Variants in HS3ST4 observed in about 807,000 individuals in gnomAD.
HS3ST4 encodes heparan sulfate glucosamine 3-O-sulfotransferase 4.
In HS3ST4, 17 loss-of-function variants were observed where a neutral mutation model predicts 29.2. The ratio of observed to expected loss-of-function variants is 0.58; its 90% CI spans 0.40 to 0.87. HS3ST4 has a LOEUF of 0.87. Among genes scored for constraint, HS3ST4 ranks in the 40% least tolerant of loss-of-function variants. The pLI is 0.00. For synonymous variants in HS3ST4, 314 were observed against 285.7 expected (o/e 1.10, Z -1.00); for missense variants, 627 against 634.5 (o/e 0.99, Z 0.13).
chr16:25,704,839 A>AT (rs1198147202), intron 1 of HS3ST4, among the ~76,000 whole-genome samples: 1 of 151,174 alleles, frequency 6.6e-6, no homozygotes, highest in East Asian at 2.0e-4. Context: ...AGATCATGCC[A>AT]TCACACTCCA....
intron 1 of HS3ST4, among the ~76,000 whole-genome samples, chr16:25,907,747 C>T (rs950891586): frequency 5.9e-5 from 9 of 152,254 alleles, no homozygotes; most frequent in African/African-American, 7.2e-5. Context: ...TTGCAAAGTG[C>T]GTATTTTTAA....
At chr16:25,815,502 T>G (rs1310660420) in intron 1 of HS3ST4, among the ~76,000 whole-genome samples, 1 of 152,128 alleles carries the variant, frequency 6.6e-6, no homozygotes, top group African/African-American at 2.4e-5. Flanking sequence ...TTTTGTACTT[T>G]TAGTAGAGAC....
chr16:25,757,637 C>T (rs1966765656), intron 1 of HS3ST4, among the ~76,000 whole-genome samples: 1 of 151,022 alleles, frequency 6.6e-6, no homozygotes, highest in African/African-American at 2.4e-5. Flanking sequence ...TGTGTCCTCC[C>T]GTCATGCCCT....
chr16:26,119,859 A>G (rs1332322256), intron 1 of HS3ST4, among the ~76,000 whole-genome samples: 2 of 152,196 alleles, frequency 1.3e-5, no homozygotes, highest in Non-Finnish European at 2.9e-5. Flanking sequence ...GGTGGACTCT[A>G]CGCAAGGCAA....
intron 1 of HS3ST4, among the ~76,000 whole-genome samples, chr16:25,999,897 T>TTATATATATTATATATATATTTTTA (rs1555477425): frequency 0.1 from 13,341 of 131,682 alleles, 962 homozygotes; most frequent in South Asian, 0.16. Flanking sequence ...TATATATATT[T>TTATATATATTATATATATATTTTTA]TATATATATA....
chr16:26,094,311 G>C (rs1223966732), intron 1 of HS3ST4, among the ~76,000 whole-genome samples: 4 of 152,254 alleles, frequency 2.6e-5, no homozygotes, highest in African/African-American at 9.6e-5. Context: ...ACACATAATT[G>C]TCAGATTCAC....
intron 1 of HS3ST4, among the ~76,000 whole-genome samples, chr16:25,779,484 A>C (rs144806091): frequency 6.6e-6 from 1 of 152,290 alleles, no homozygotes; most frequent in East Asian, 1.9e-4. Context: ...TCATTTATTC[A>C]TTTAATCAAC....
chr16:25,902,025 G>A (rs954892034), intron 1 of HS3ST4, among the ~76,000 whole-genome samples: 3 of 152,198 alleles, frequency 2.0e-5, no homozygotes, highest in African/African-American at 7.2e-5. Flanking sequence ...GTCTACCTCT[G>A]CATCACATCT....
rs916173971 is a variant in HS3ST4 at position 25,721,386 on chromosome 16, C to CT, written c.734+28243dup. Among the ~76,000 whole-genome samples, 7 of 152,116 alleles carry CT rather than the reference C, an allele frequency of 4.6e-5. No individual in the cohort carries two copies. In the East Asian group the frequency reaches 5.8e-4, roughly 13 times the overall value. ...CTACCTTTTATGGGCTTGCCTTAGT[C>CT]TTTTTTTTACATTTTTTTCCTTTTC... On this transcript the variant is annotated intron_variant, in intron 1 of 1. Coordinates refer to ENST00000331351, the MANE Select transcript of HS3ST4 (RefSeq NM_006040.3).
At chr16:25,848,618 A>G (rs1281933810) in intron 1 of HS3ST4, among the ~76,000 whole-genome samples, 1 of 152,036 alleles carries the variant, frequency 6.6e-6, no homozygotes, top group East Asian at 1.9e-4. Context: ...CCTCTTCATC[A>G]TTCTGAAGAT....
chr16:25,857,922 T>TCC (rs1567257093), intron 1 of HS3ST4, among the ~76,000 whole-genome samples: 56 of 41,592 alleles, frequency 1.3e-3, no homozygotes, highest in Admixed American at 2.4e-3. Context: ...CTTCCTTCCT[T>TCC]TCTTTCTTTC....
chr16:25,701,742 A>G (rs1284662982), intron 1 of HS3ST4, among the ~76,000 whole-genome samples: 3 of 152,234 alleles, frequency 2.0e-5, no homozygotes, highest in Non-Finnish European at 4.4e-5. Flanking sequence ...ACATGAACCA[A>G]TCATGGCCAG....
chr16:25,702,420 A>C (rs1966340280), intron 1 of HS3ST4, among the ~76,000 whole-genome samples: 1 of 152,212 alleles, frequency 6.6e-6, no homozygotes, highest in Non-Finnish European at 1.5e-5. Flanking sequence ...ATTTAGCAAA[A>C]ATTGCAAGGG....
chr16:25,898,884 C>A (rs1968095781), intron 1 of HS3ST4, among the ~76,000 whole-genome samples: 1 of 152,176 alleles, frequency 6.6e-6, no homozygotes, highest in Admixed American at 6.5e-5. Context: ...ATACTTTTTT[C>A]ATGTAACTCA....
chr16:25,883,880 C>T (rs894109775), intron 1 of HS3ST4, among the ~76,000 whole-genome samples: 4 of 152,030 alleles, frequency 2.6e-5, no homozygotes, highest in South Asian at 4.1e-4. Context: ...TTTGGGAGGC[C>T]GAGGCAGGTG....
intron 1 of HS3ST4, among the ~76,000 whole-genome samples, chr16:26,104,053 A>G (rs779986330): frequency 1.3e-4 from 20 of 152,204 alleles, no homozygotes; most frequent in Non-Finnish European, 2.4e-4. Flanking sequence ...ATTTGACTGT[A>G]TTTAGAACTC....
chr16:25,758,445 G>A (rs975296166), intron 1 of HS3ST4, among the ~76,000 whole-genome samples: 8 of 152,076 alleles, frequency 5.3e-5, no homozygotes, highest in East Asian at 1.9e-4. Flanking sequence ...TTATGTCATC[G>A]AACCAAGTCT....
At chr16:25,838,197 T>C (rs1014347762) in intron 1 of HS3ST4, among the ~76,000 whole-genome samples, 3 of 152,210 alleles carry the variant, frequency 2.0e-5, no homozygotes, top group Non-Finnish European at 1.5e-5. Flanking sequence ...ATTCAGTCGA[T>C]ATTAACGACT....
intron 1 of HS3ST4, among the ~76,000 whole-genome samples, chr16:25,789,357 CTT>C (rs1966863142): frequency 6.7e-6 from 1 of 149,064 alleles, no homozygotes; most frequent in Admixed American, 6.7e-5. Context: ...TCCTTCTTTC[CTT>C]TCCCTCTCTC....
Sources: gnomAD v4.1 joint callset for allele counts (sites outside exome capture counted in the v4.1 genomes callset) on GRCh38, gnomAD v4.1.1 for gene constraint, MANE v1.5 for transcripts, NCBI Gene and HGNC (gene_info 2026-07-23, HGNC 2026-07-21) for gene names.